The following FOXRED2 variants were observed in gnomAD, a reference collection of about 807,000 sequenced individuals.
FOXRED2 encodes the protein FAD dependent oxidoreductase domain containing 2.
A neutral mutation model predicts 52.5 loss-of-function variants in FOXRED2; 32 were observed. That is an observed-to-expected ratio of 0.61 (90% CI 0.46 to 0.82). FOXRED2 has a LOEUF of 0.82. Ranked by LOEUF, FOXRED2 falls within the 40% of genes least tolerant of loss-of-function variation. The pLI is 0.00. For missense variants in FOXRED2, 848 were observed against 937.5 expected (o/e 0.90, Z 1.25); for synonymous variants, 405 against 398.1 (o/e 1.02, Z -0.21).
At chr22:36,491,036 C>T (rs1439577346) in intron 8 of FOXRED2, among the ~76,000 whole-genome samples, 2 of 152,098 alleles carry the variant, frequency 1.3e-5, no homozygotes, top group Non-Finnish European at 2.9e-5. Context: ...GTGACAAACA[C>T]CTGTAATCCC....
chr22:36,497,598 T>C (rs1014106990), intron 6 of FOXRED2, among the ~76,000 whole-genome samples: 14 of 152,164 alleles, frequency 9.2e-5, no homozygotes, highest in Non-Finnish European at 1.6e-4. Flanking sequence ...ATCACTAAAT[T>C]GACTCTGACG....
chr22:36,496,069 T>C lies in FOXRED2; in HGVS notation c.1522A>G (p.Lys508Glu). ...EYGRNFSGPD[K>E]DVFFDDRSVG... ...GACCGGTCATCAAAGAAGACGTCCT[T>C]GTCGGGGCCAGAGAAATTTCTGCCA... The change falls in exon 7 of 9, where the codon AAG (lysine) becomes GAG (glutamate). Residue 508 changes from lysine (K) to glutamate (E), a missense_variant. Lys to Glu is a moderately conservative substitution (Grantham distance 56, BLOSUM62 1). Coordinates refer to ENST00000397224, the MANE Select transcript of FOXRED2 (RefSeq NM_001102371.2). 4 of 1,614,244 alleles carry C rather than the reference T, an allele frequency of 2.5e-6. No individual in the cohort carries two copies. The South Asian group carries it at 4.4e-5, about 18-fold the overall frequency.
At chr22:36,497,340 GA>G (rs1265223486) in intron 6 of FOXRED2, among the ~76,000 whole-genome samples, 11 of 149,024 alleles carry the variant, frequency 7.4e-5, no homozygotes, top group South Asian at 4.2e-4. Flanking sequence ...ACTGTCTCAA[GA>G]AAAAAAAAAG....
chr22:36,495,569 T>G (rs1933874111), intron 7 of FOXRED2, among the ~76,000 whole-genome samples: 1 of 152,166 alleles, frequency 6.6e-6, no homozygotes, highest in Admixed American at 6.5e-5. Flanking sequence ...TGGTCCAAGG[T>G]CACACAGTGA....
intron 5 of FOXRED2, among the ~76,000 whole-genome samples, chr22:36,498,968 T>A (rs1933975892): frequency 6.6e-6 from 1 of 152,192 alleles, no homozygotes; most frequent in African/African-American, 2.4e-5. Context: ...AGAGTCTCAC[T>A]CTGATGCCCA....
chr22:36,489,918 C>CAAA lies in FOXRED2; in HGVS notation c.*89_*90insTTT. On this transcript the variant is annotated 3_prime_UTR_variant, in exon 9 of 9. Coordinates refer to ENST00000397224, the MANE Select transcript of FOXRED2 (RefSeq NM_001102371.2). ...GTGGTCTTTGGCAATCACGCATTGG[C>CAAA]GGGAGTGTGAGGTTGCGGGGAAAGA... 7.5e-7 allele frequency: 1 copy of CAAA among 1,325,718 alleles called. No homozygotes were observed. Among genetic ancestry groups the CAAA allele is most frequent in the Non-Finnish European group, 1.0e-6 (1 of 982,718 alleles). The allele number at this position is 1,325,718 out of a possible 1,614,324, so 82.1% of individuals were successfully genotyped here.
In FOXRED2 at chr22:36,489,755, T is replaced by G; in HGVS notation, c.*253A>C. ...AGCGACAGCTCCATTGCAGACAAACTGGGCTGGGGAAGGCAGCTCCCACCT... is the reference window on the plus strand; with the variant it reads ...AGCGACAGCTCCATTGCAGACAAACGGGGCTGGGGAAGGCAGCTCCCACCT... On this transcript the variant is annotated 3_prime_UTR_variant, in exon 9 of 9. Transcript: ENST00000397224. 2.4e-6 allele frequency: 1 copy of G among 417,432 alleles called. No individual in the cohort carries two copies. The highest frequency in any genetic ancestry group is 4.3e-6 in the Non-Finnish European group (1 of 232,444). The allele number at this position is 417,432 out of a possible 1,614,324, so 25.9% of individuals were successfully genotyped here.
In FOXRED2 at chr22:36,488,488, G is replaced by A. The variant is rs1328376147; in HGVS notation, c.*1520C>T. The A allele has an allele frequency of 6.6e-6, 1 of 152,180 alleles. No individual in the cohort carries two copies. Among genetic ancestry groups the A allele is most frequent in the African/African-American group, 2.4e-5 (1 of 41,432 alleles). 9.4% of individuals were successfully genotyped at this position (152,180 alleles called of 1,614,324 possible). On this transcript the variant is annotated 3_prime_UTR_variant, in exon 9 of 9. Coordinates refer to ENST00000397224, the MANE Select transcript of FOXRED2 (RefSeq NM_001102371.2). ...TTGGCCAGGCTGGTCTCGAATTCCT[G>A]AGCTCAGGTGATCGGCCCACTTTGG...
Position 36,493,821 on chromosome 22 carries a change from G to C in FOXRED2, c.1625-18C>G. 6.2e-7 allele frequency: 1 copy of C among 1,612,872 alleles called. No homozygotes were observed. Among genetic ancestry groups the C allele is most frequent in the East Asian group, 2.2e-5 (1 of 44,856 alleles). On this transcript the variant is annotated intron_variant, in intron 7 of 8. Coordinates refer to ENST00000397224, the MANE Select transcript of FOXRED2 (RefSeq NM_001102371.2). ...CTCCTGTTCTGTGGGGAGGAGAGAG[G>C]GGGCCATGTCAGAGCTGTGAGGCTG...
In FOXRED2 at chr22:36,487,687, T is replaced by C. The variant is rs1933641088; in HGVS notation, c.*2321A>G. On this transcript the variant is annotated 3_prime_UTR_variant, in exon 9 of 9. Coordinates refer to ENST00000397224, the MANE Select transcript of FOXRED2 (RefSeq NM_001102371.2). ...GAAGAATTTATGATATCCTACATTA[T>C]CATGGGGTAAACAATTCGTCCCTGA... The C allele has an allele frequency of 6.6e-6, 1 of 152,208 alleles. No individual in the cohort carries two copies. Among genetic ancestry groups the C allele is most frequent in the African/African-American group, 2.4e-5 (1 of 41,440 alleles). The allele number at this position is 152,208 out of a possible 1,614,324, so 9.4% of individuals were successfully genotyped here.
chr22:36,488,232 GTTCT>G lies in FOXRED2; in HGVS notation c.*1772_*1775del, dbSNP rs1458535856. 12 of 152,030 alleles carry G rather than the reference GTTCT, an allele frequency of 7.9e-5. No individual in the cohort carries two copies. The highest frequency in any genetic ancestry group is 1.7e-4 in the African/African-American group (7 of 41,386). The allele number at this position is 152,030 out of a possible 1,614,324, so 9.4% of individuals were successfully genotyped here. On this transcript the variant is annotated 3_prime_UTR_variant, in exon 9 of 9. Transcript: ENST00000397224. ...TTTCACTTTTGTTGTAGCATACTTT[GTTCT>G]TTTTTATTTTTTATTTTTTTGAGAT...
At chr22:36,497,688 G>A (rs1245740052) in intron 6 of FOXRED2, among the ~76,000 whole-genome samples, 1 of 152,232 alleles carries the variant, frequency 6.6e-6, no homozygotes, top group Non-Finnish European at 1.5e-5. Context: ...TCCACGTGAT[G>A]CCAAACACTT....
At chr22:36,498,196 C>T (rs1346527091) in intron 5 of FOXRED2, 40 bp from the exon 6 acceptor site, 1 of 1,579,268 alleles carries the variant, frequency 6.3e-7, no homozygotes. Flanking sequence ...CTGCACTTAC[C>T]ATTTTATCTC....
chr22:36,490,357 G>T, intron 8 of FOXRED2, 90 bp from the exon 9 acceptor site: 2 of 1,406,494 alleles, frequency 1.4e-6, no homozygotes, highest in Non-Finnish European at 9.6e-7. Context: ...AGGTGTGGGG[G>T]CTTCACTGCA....
At chr22:36,505,800 T>TTTTTTTTTTTTC in intron 2 of FOXRED2, 96 bp downstream of exon 2, 1 of 1,315,972 alleles carries the variant, frequency 7.6e-7, no homozygotes, top group Non-Finnish European at 1.1e-6. Context: ...ATACCCTTTT[T>TTTTTTTTTTTTC]CGTCCATTCC....
chr22:36,506,253 G>C lies in FOXRED2; in HGVS notation c.170C>G (p.Ala57Gly), dbSNP rs763818882. ...YFLQRAGRDY[A>G]VFERAPRPGS... is the part of the protein sequence containing the mutation. ...GGGCCGCGGGGCCCGCTCGAACACT[G>C]CGTAGTCGCGTCCAGCGCGCTGCAG... Residue 57 changes from alanine (A) to glycine (G), a missense_variant, in exon 2 of 9, where the codon GCA becomes GGA. Ala to Gly is a moderately conservative substitution (Grantham distance 60). Transcript: ENST00000397224. 2 of 1,611,614 alleles carry C rather than the reference G, an allele frequency of 1.2e-6. No individual in the cohort carries two copies. The highest frequency in any genetic ancestry group is 3.3e-5 in the Admixed American group (2 of 59,954).
At position 36,506,332 on chromosome 22, in the gene FOXRED2, G is replaced by T; in HGVS notation, c.91C>A (p.Arg31=). 2.7e-6 allele frequency: 4 copies of T among 1,500,958 alleles called. No individual in the cohort carries two copies. The highest frequency in any genetic ancestry group is 3.5e-6 in the Non-Finnish European group (4 of 1,127,816). 93.0% of individuals were successfully genotyped at this position (1,500,958 alleles called of 1,614,324 possible). A position where few individuals can be genotyped will look rare whatever the true frequency, so the allele number is the denominator to read the frequency against. The stretch of plus-strand genomic sequence containing the variant: ...CCAGCGCCCAGCACGCAGTAGTCCC[G>T]GCGCGGGGGCACCGACAGCGCTGGG... ...LHPALSVPPR[R]DYCVLGAGPA... The change falls in exon 2 of 9, where the codon CGG becomes AGG. Residue 31 remains arginine, a synonymous_variant. Coordinates refer to ENST00000397224, the MANE Select transcript of FOXRED2 (RefSeq NM_001102371.2).
Position 36,495,977 on chromosome 22 carries a change from G to C in FOXRED2, c.1614C>G (p.Tyr538Ter). The change falls in exon 7 of 9, where the codon TAC becomes TAG. Residue 538 changes from tyrosine (Y) to a stop codon, truncating the protein, a stop_gained. Coordinates refer to ENST00000397224, the MANE Select transcript of FOXRED2 (RefSeq NM_001102371.2). LOFTEE classifies it high-confidence loss of function. ...FLHPVIYYYR[Y>*]LPTEQEVRFR... ...CAGAGACCTGCTCACCGGTGGGGAG[G>C]TATCTATAGTAGTAGATGACAGGAT... 6.2e-7 allele frequency: 1 copy of C among 1,613,920 alleles called. No homozygotes were observed. Among genetic ancestry groups the C allele is most frequent in the Non-Finnish European group, 8.5e-7 (1 of 1,179,770 alleles).
chr22:36,505,784 A>AC, intron 2 of FOXRED2, 112 bp downstream of exon 2: 1 of 1,184,916 alleles, frequency 8.4e-7, no homozygotes, highest in East Asian at 2.4e-5. Context: ...AAAAAAAAAA[A>AC]GCGAAATACC....
Sources: gnomAD v4.1 joint callset for allele counts (sites outside exome capture counted in the v4.1 genomes callset) on GRCh38, gnomAD v4.1.1 for gene constraint, MANE v1.5 for transcripts, NCBI Gene and HGNC (gene_info 2026-07-23, HGNC 2026-07-21) for gene names.